Variants in ZNF385D observed in about 807,000 individuals in gnomAD.
The protein encoded by ZNF385D is zinc finger protein 385D, also known as zinc finger protein 659.
In ZNF385D, 15 loss-of-function variants were observed where a neutral mutation model predicts 35.8. The ratio of observed to expected loss-of-function variants is 0.42; its 90% confidence interval spans 0.28 to 0.64. ZNF385D has a LOEUF of 0.64. Ranked by LOEUF, ZNF385D falls within the 30% of genes least tolerant of loss-of-function variation. The probability of loss-of-function intolerance (pLI) is 0.23; values close to 1 mark genes in which losing one functional copy is unlikely to be tolerated. For synonymous variants in ZNF385D, 212 were observed against 186.8 expected (o/e 1.13, Z -1.10); for missense variants, 474 against 494.6 (o/e 0.96, Z 0.39).
chr3:21,808,343 C>A (rs989569855), intron 3 of ZNF385D, among the ~76,000 whole-genome samples: 2 of 152,162 alleles, frequency 1.3e-5, no homozygotes, highest in African/African-American at 4.8e-5. Flanking sequence ...TTGAATTTAC[C>A]TTCCCTCCTC....
chr3:21,455,959 T>A (rs991457371), intron 4 of ZNF385D, among the ~76,000 whole-genome samples: 8 of 152,152 alleles, frequency 5.3e-5, no homozygotes, highest in Non-Finnish European at 1.0e-4. Flanking sequence ...AGAAGACATT[T>A]ATGCAGCCAA....
chr3:22,265,454 C>A (rs978474097), intron 2 of ZNF385D, among the ~76,000 whole-genome samples: 6 of 151,936 alleles, frequency 3.9e-5, no homozygotes, highest in African/African-American at 1.2e-4. Flanking sequence ...ATTTACAGAG[C>A]AGAAACATTT....
chr3:21,851,094 T>C (rs1696354568), intron 3 of ZNF385D, among the ~76,000 whole-genome samples: 1 of 132,218 alleles, frequency 7.6e-6, no homozygotes, highest in Admixed American at 7.6e-5. Context: ...TTACCATGTT[T>C]AAAATTTTAA....
At chr3:22,266,518 T>A (rs9812295) in intron 2 of ZNF385D, among the ~76,000 whole-genome samples, 2 of 151,788 alleles carry the variant, frequency 1.3e-5, no homozygotes, top group East Asian at 3.9e-4. Flanking sequence ...TAATTAATAA[T>A]AACAATACCT....
At chr3:21,606,888 A>G (rs1460366415) in intron 2 of ZNF385D, among the ~76,000 whole-genome samples, 1 of 151,874 alleles carries the variant, frequency 6.6e-6, no homozygotes, top group Non-Finnish European at 1.5e-5. Flanking sequence ...CTTCTGATCA[A>G]TTCTGCTGCA....
intron 3 of ZNF385D, among the ~76,000 whole-genome samples, chr3:21,765,898 C>T (rs1341491392): frequency 1.3e-5 from 2 of 151,954 alleles, no homozygotes; most frequent in African/African-American, 2.4e-5. Context: ...TGTGTCTGTT[C>T]CTCCCATAGT....
intron 1 of ZNF385D, among the ~76,000 whole-genome samples, chr3:21,727,547 A>G (rs138022882): frequency 1.8e-4 from 27 of 152,360 alleles, no homozygotes; most frequent in African/African-American, 6.5e-4. Context: ...ACATTTATGC[A>G]GCCAAGAAAC....
At chr3:21,930,665 T>A (rs1412474174) in intron 3 of ZNF385D, among the ~76,000 whole-genome samples, 1 of 152,130 alleles carries the variant, frequency 6.6e-6, no homozygotes, top group Non-Finnish European at 1.5e-5. Context: ...GAGAAATTAA[T>A]CCTTACACAT....
At chr3:21,601,530 TAA>T (rs906307643) in intron 2 of ZNF385D, among the ~76,000 whole-genome samples, 1 of 152,210 alleles carries the variant, frequency 6.6e-6, no homozygotes, top group East Asian at 1.9e-4. Context: ...CCTTTGCTAA[TAA>T]AAGTCTAAAA....
At chr3:21,723,128 CAGAGACCCCATCCAA>C (rs1287603458) in intron 1 of ZNF385D, among the ~76,000 whole-genome samples, 1 of 152,128 alleles carries the variant, frequency 6.6e-6, no homozygotes, top group African/African-American at 2.4e-5. Context: ...CATGTCCACT[CAGAGACCCCATCCAA>C]AGGTCACCAA....
intron 2 of ZNF385D, among the ~76,000 whole-genome samples, chr3:22,339,416 G>T (rs1257191494): frequency 6.6e-6 from 1 of 152,148 alleles, no homozygotes; most frequent in East Asian, 1.9e-4. Flanking sequence ...CATATACTAT[G>T]CTAGGTGCTG....
chr3:21,906,559 A>G (rs1196924703), intron 3 of ZNF385D, among the ~76,000 whole-genome samples: 1 of 152,112 alleles, frequency 6.6e-6, no homozygotes, highest in Non-Finnish European at 1.5e-5. Context: ...ATGATTTCAT[A>G]TGTGACCTTG....
chr3:21,608,048 C>T (rs9878032), intron 2 of ZNF385D, among the ~76,000 whole-genome samples: 40,757 of 119,966 alleles, frequency 0.34, 6,893 homozygotes, highest in South Asian at 0.49. Context: ...GTCTTGCTGT[C>T]GCCCAGACAG....
At chr3:22,324,156 A>T (rs1440110494) in intron 2 of ZNF385D, among the ~76,000 whole-genome samples, 1 of 152,208 alleles carries the variant, frequency 6.6e-6, no homozygotes, top group Non-Finnish European at 1.5e-5. Context: ...ACTTCTAGAG[A>T]AATTCAAGAA....
intron 1 of ZNF385D, among the ~76,000 whole-genome samples, chr3:21,697,819 T>C (rs1028872463): frequency 2.6e-5 from 4 of 151,888 alleles, no homozygotes; most frequent in Admixed American, 6.6e-5. Flanking sequence ...AAAAAGGACA[T>C]AAAAGCGACC....
intron 4 of ZNF385D, among the ~76,000 whole-genome samples, chr3:21,440,438 A>G (rs1378505703): frequency 6.6e-6 from 1 of 152,156 alleles, no homozygotes; most frequent in Admixed American, 6.6e-5. Flanking sequence ...CAAGGCTATC[A>G]AAACAAGGAA....
Position 21,421,324 on chromosome 3 carries a change from C to G in ZNF385D, c.1078G>C (p.Ala360Pro). The G allele has an allele frequency of 6.2e-7, 1 of 1,613,940 alleles. No homozygotes were observed. Residue 360 changes from alanine to proline, a missense_variant, in exon 8 of 8, where the codon GCT becomes CCT. Transcript: ENST00000281523. ...GTCTGGAACAGTGTTGCTGCTGGAG[C>G]AGTTCGAAGACTGAAGGGGGAACTC... ...AVSSPFSLRT[A>P]PAATLFQTSA...
At chr3:21,471,291 T>A (rs1359594338) in intron 4 of ZNF385D, among the ~76,000 whole-genome samples, 12 of 22,384 alleles carry the variant, frequency 5.4e-4, no homozygotes, top group South Asian at 1.9e-3. Context: ...TCTCTCTCTC[T>A]CTCTCACACA....
intron 2 of ZNF385D, among the ~76,000 whole-genome samples, chr3:22,211,610 A>C (rs1697528298): frequency 6.6e-6 from 1 of 152,006 alleles, no homozygotes. Flanking sequence ...GCAATAAATC[A>C]AGTCTATATA....
Sources: gnomAD v4.1 joint callset for allele counts (sites outside exome capture counted in the v4.1 genomes callset) on GRCh38, gnomAD v4.1.1 for gene constraint, MANE v1.5 for transcripts, NCBI Gene and HGNC (gene_info 2026-07-23, HGNC 2026-07-21) for gene names.